RRAGD: variants seen among roughly 807,000 people sequenced by gnomAD.
RRAGD encodes the protein ras-related GTP-binding protein D.
Under a neutral mutation model 35.5 loss-of-function variants are expected in RRAGD, and 12 were observed. The ratio of observed to expected loss-of-function variants is 0.34; its 90% confidence interval spans 0.22 to 0.55. The LOEUF (loss-of-function observed/expected upper bound fraction) is 0.55, where lower values mean the gene tolerates loss of function less well. Ranked by LOEUF, RRAGD falls within the 20% of genes least tolerant of loss-of-function variation. The pLI, the probability that RRAGD is intolerant of heterozygous loss-of-function variation, is 0.91. For synonymous variants in RRAGD, 155 were observed against 178.9 expected (o/e 0.87, Z 1.07); for missense variants, 324 against 490.1 (o/e 0.66, Z 3.20).
At chr6:89,405,166 C>A (rs146856416) in intron 1 of RRAGD, among the ~76,000 whole-genome samples, 2,403 of 151,886 alleles carry the variant, frequency 0.016, 75 homozygotes, top group African/African-American at 0.056. Context: ...CTGGCTAACA[C>A]GGTGAAAACC....
rs78937420 is a variant in RRAGD, at chr6:89,383,113, A to G, written c.445-2746T>C. ...GTGGTGGAAATATTCTATATCTTGA[A>G]GGAGGGGTGGTTACATGGTGTACAC... is the stretch of plus-strand genomic sequence containing the variant. On this transcript the variant is annotated intron_variant, in intron 2 of 6. Transcript: ENST00000369415. 8.7e-3 allele frequency among the ~76,000 whole-genome samples: 1,321 copies of G among 152,306 alleles called. 5 individuals carry two copies. The highest frequency in any genetic ancestry group is 0.015 in the Non-Finnish European group (1,006 of 68,020).
intron 1 of RRAGD, among the ~76,000 whole-genome samples, chr6:89,404,043 C>A (rs746599802): frequency 6.6e-6 from 1 of 152,074 alleles, no homozygotes; most frequent in Non-Finnish European, 1.5e-5. Flanking sequence ...TTATTACACA[C>A]GTGCTTGAAG....
chr6:89,407,164 G>C (rs924638597), intron 1 of RRAGD, among the ~76,000 whole-genome samples: 1 of 152,112 alleles, frequency 6.6e-6, no homozygotes, highest in African/African-American at 2.4e-5. Flanking sequence ...GGAGAAGGTC[G>C]ACCAGCAAGC....
intron 2 of RRAGD, among the ~76,000 whole-genome samples, chr6:89,383,815 T>C (rs1207401454): frequency 6.6e-6 from 1 of 152,014 alleles, no homozygotes; most frequent in Non-Finnish European, 1.5e-5. Flanking sequence ...GAGAACAAAA[T>C]AGTATTGCTT....
Position 89,411,733 on chromosome 6 carries a change from G to C in RRAGD, c.148+113C>G. The C allele has an allele frequency of 7.1e-6, 8 of 1,122,374 alleles. No individual in the cohort carries two copies. Among genetic ancestry groups the C allele is most frequent in the East Asian group, 6.1e-5 (2 of 32,662 alleles). 69.5% of individuals were successfully genotyped at this position (1,122,374 alleles called of 1,614,324 possible). A position where few individuals can be genotyped will look rare whatever the true frequency, so the allele number is the denominator to read the frequency against. On this transcript the variant is annotated intron_variant, in intron 1 of 6. Transcript: ENST00000369415. The surrounding 1 kb of genome is among the most constrained non-coding windows in gnomAD (Gnocchi z 5.6). The stretch of plus-strand genomic sequence containing the variant: ...CCACCCCAAACCCTCAACTGGACCC[G>C]CTCCCCTGGACCCCCTCCAAGTCGG...
At chr6:89,393,052 T>C (rs549164471) in intron 1 of RRAGD, among the ~76,000 whole-genome samples, 57 of 152,332 alleles carry the variant, frequency 3.7e-4, no homozygotes, top group Admixed American at 9.8e-4. Context: ...GAGCAGGGCA[T>C]GAACTGAAAA....
chr6:89,375,429 G>A lies in RRAGD; in HGVS notation c.902+2242C>T, dbSNP rs376640437. Among the ~76,000 whole-genome samples the A allele has an allele frequency of 1.2e-4, 18 of 152,278 alleles. No individual in the cohort carries two copies. The East Asian group carries it at 2.9e-3, about 25-fold the overall frequency. On this transcript the variant is annotated intron_variant, in intron 5 of 6. Transcript: ENST00000369415. Reference sequence around the variant, plus strand: ...TAAGCAATGAAAACACATGAAGATAGAACATATTTTAAAGTGTGTGCATGT... The same window carrying A: ...TAAGCAATGAAAACACATGAAGATAAAACATATTTTAAAGTGTGTGCATGT...
At chr6:89,371,139 A>G (rs1250945344) in intron 6 of RRAGD, among the ~76,000 whole-genome samples, 1 of 151,942 alleles carries the variant, frequency 6.6e-6, no homozygotes, top group Non-Finnish European at 1.5e-5. Flanking sequence ...GTTGGAAGGA[A>G]GGAAAAAAAG....
intron 2 of RRAGD, among the ~76,000 whole-genome samples, chr6:89,385,552 T>C (rs1471872607): frequency 6.6e-6 from 1 of 152,178 alleles, no homozygotes; most frequent in Non-Finnish European, 1.5e-5. Flanking sequence ...AAGCAGGGGA[T>C]ACTGCCAAGA....
Position 89,412,164 on chromosome 6 carries a change from G to A in RRAGD, c.-171C>T. On this transcript the variant is annotated 5_prime_UTR_variant, in exon 1 of 7. Coordinates refer to ENST00000369415, the MANE Select transcript of RRAGD (RefSeq NM_021244.5). The surrounding 1 kb of genome is among the most constrained non-coding windows in gnomAD (Gnocchi z 4.2). The stretch of plus-strand genomic sequence containing the variant: ...CCCGGCGGGCGGCGCCCAGGTCCGG[G>A]TCCCGCGGTTCCCAGCGCGCCCGAA... 1 of 513,742 alleles carries A rather than the reference G, an allele frequency of 1.9e-6. No homozygotes were observed. 31.8% of individuals were successfully genotyped at this position (513,742 alleles called of 1,614,324 possible).
chr6:89,396,728 A>ATTTTTTTT (rs1160973684), intron 1 of RRAGD, among the ~76,000 whole-genome samples: 1 of 76,392 alleles, frequency 1.3e-5, no homozygotes, highest in Non-Finnish European at 2.3e-5. Flanking sequence ...CAATGACCCA[A>ATTTTTTTT]TTTTTTTTTT....
At chr6:89,384,067 C>T (rs1242677559) in intron 2 of RRAGD, among the ~76,000 whole-genome samples, 3 of 150,532 alleles carry the variant, frequency 2.0e-5, no homozygotes, top group Non-Finnish European at 4.4e-5. Context: ...CGCACCACTG[C>T]ACTCCAGCCT....
In RRAGD at chr6:89,411,903, A is replaced by G. The variant is rs1273571362; in HGVS notation, c.91T>C (p.Tyr31His). ...TCGGAGGAGTCGGGCCCGTCTCCGTAGTCCGCTAGCCCCACCAGCTCATCC... is the reference window on the plus strand; with the variant it reads ...TCGGAGGAGTCGGGCCCGTCTCCGTGGTCCGCTAGCCCCACCAGCTCATCC... The part of the protein sequence containing the change: ...EEDELVGLAD[Y>H]GDGPDSSDAD... The change falls in exon 1 of 7, where the codon TAC becomes CAC. Residue 31 changes from tyrosine (Y) to histidine (H), a missense_variant. Tyr to His is a moderately conservative substitution (Grantham distance 83). Coordinates refer to ENST00000369415, the MANE Select transcript of RRAGD (RefSeq NM_021244.5). The surrounding 1 kb of genome is among the most constrained non-coding windows in gnomAD (Gnocchi z 5.6). The G allele has an allele frequency of 6.5e-7, 1 of 1,545,618 alleles. No homozygotes were observed. The highest frequency in any genetic ancestry group is 8.7e-7 in the Non-Finnish European group (1 of 1,147,960).
intron 2 of RRAGD, among the ~76,000 whole-genome samples, chr6:89,382,530 T>C (rs917708920): frequency 6.6e-6 from 1 of 151,508 alleles, no homozygotes; most frequent in African/African-American, 2.4e-5. Flanking sequence ...AGCTATGATC[T>C]TGCCACTGCA....
chr6:89,398,828 CCAA>C (rs1769391634), intron 1 of RRAGD, among the ~76,000 whole-genome samples: 1 of 152,214 alleles, frequency 6.6e-6, no homozygotes, highest in African/African-American at 2.4e-5. Flanking sequence ...GCCTTCACTA[CCAA>C]TCAGAGCCTT....
chr6:89,368,812 G>A lies in RRAGD; in HGVS notation c.1052-605C>T, dbSNP rs191194256. On this transcript the variant is annotated intron_variant, in intron 6 of 6. Transcript: ENST00000369415. Reference sequence around the variant, plus strand: ...AGTATTTTAAGTGGAGAAATAGTAGGAGGGAATCTTCTTGTGTTTTCAGAA... The same window carrying A: ...AGTATTTTAAGTGGAGAAATAGTAGAAGGGAATCTTCTTGTGTTTTCAGAA... Among the ~76,000 whole-genome samples the A allele has an allele frequency of 6.6e-5, 10 of 152,256 alleles. No homozygotes were observed. The East Asian group carries it at 1.4e-3, about 21-fold the overall frequency.
In RRAGD at chr6:89,412,165, T is replaced by A; in HGVS notation, c.-172A>T. Reference sequence around the variant, plus strand: ...CCGGCGGGCGGCGCCCAGGTCCGGGTCCCGCGGTTCCCAGCGCGCCCGAAG... The same window carrying A: ...CCGGCGGGCGGCGCCCAGGTCCGGGACCCGCGGTTCCCAGCGCGCCCGAAG... On this transcript the variant is annotated 5_prime_UTR_variant, in exon 1 of 7. Coordinates refer to ENST00000369415, the MANE Select transcript of RRAGD (RefSeq NM_021244.5). The surrounding 1 kb of genome is among the most constrained non-coding windows in gnomAD (Gnocchi z 4.2). 1 of 479,080 alleles carries A rather than the reference T, an allele frequency of 2.1e-6. No homozygotes were observed. Among genetic ancestry groups the A allele is most frequent in the Non-Finnish European group, 3.2e-6 (1 of 312,594 alleles). 29.7% of individuals were successfully genotyped at this position (479,080 alleles called of 1,614,324 possible). A position where few individuals can be genotyped will look rare whatever the true frequency, so the allele number is the denominator to read the frequency against.
intron 1 of RRAGD, among the ~76,000 whole-genome samples, chr6:89,407,360 G>A (rs963454108): frequency 5.3e-5 from 8 of 152,162 alleles, no homozygotes; most frequent in South Asian, 2.1e-4. Context: ...GGAAGAGGCC[G>A]GGCGCGGTGG....
At chr6:89,368,248 A>T (rs1381586633) in intron 6 of RRAGD, 41 bp from the exon 7 acceptor site, 2 of 1,584,724 alleles carry the variant, frequency 1.3e-6, no homozygotes, top group Non-Finnish European at 1.7e-6. Flanking sequence ...GTCACGTAGA[A>T]ATAATCTCCA....
Sources: allele counts gnomAD v4.1 joint callset (sites outside exome capture counted in the v4.1 genomes callset), GRCh38; gene constraint gnomAD v4.1.1; non-coding constraint Gnocchi (gnomAD v3.1); transcripts MANE v1.5; gene names NCBI Gene and HGNC (gene_info 2026-07-23, HGNC 2026-07-21).